LRP1B: variants seen among roughly 807,000 people sequenced by gnomAD.
The protein encoded by LRP1B is low-density lipoprotein receptor-related protein 1B.
LRP1B carries 217 observed loss-of-function variants against 556.6 expected under a neutral mutation model. The ratio of observed to expected loss-of-function variants is 0.39; its 90% confidence interval spans 0.35 to 0.44. The LOEUF is 0.44. LRP1B is among the 20% of genes least tolerant of loss of function. The pLI, the probability that LRP1B is intolerant of heterozygous loss-of-function variation, is 1.00. For missense variants in LRP1B, 5,053 were observed against 5,620.8 expected (o/e 0.90, Z 3.23); for synonymous variants, 2,047 against 1,865.8 (o/e 1.10, Z -2.50).
intron 31 of LRP1B, among the ~76,000 whole-genome samples, chr2:140,832,568 A>C (rs1322845721): frequency 6.6e-6 from 1 of 152,224 alleles, no homozygotes. Flanking sequence ...AGCCATAAAA[A>C]AGAATGAAAT....
rs1020533715 is a variant in LRP1B at position 140,976,875 on chromosome 2, T to A, written c.2887+5285A>T. Among the ~76,000 whole-genome samples, 5 of 152,258 alleles carry A rather than the reference T, an allele frequency of 3.3e-5. No homozygotes were observed. In the East Asian group the frequency reaches 9.7e-4, roughly 29 times the overall value. ...TCCAAAGTTGAAGGCTTCTAATGAATTAGGTACTACCAACTTACATTAAGG... is the reference window on the plus strand; with the variant it reads ...TCCAAAGTTGAAGGCTTCTAATGAAATAGGTACTACCAACTTACATTAAGG... On this transcript the variant is annotated intron_variant, in intron 18 of 90. Transcript: ENST00000389484.
intron 1 of LRP1B, among the ~76,000 whole-genome samples, chr2:141,958,952 T>C (rs1558987058): frequency 6.6e-6 from 1 of 152,020 alleles, no homozygotes; most frequent in Non-Finnish European, 1.5e-5. Flanking sequence ...TCTTATTTCT[T>C]GTGCTTCCAA....
chr2:140,502,526 A>C (rs1689242748), intron 54 of LRP1B, among the ~76,000 whole-genome samples: 1 of 152,026 alleles, frequency 6.6e-6, no homozygotes, highest in Non-Finnish European at 1.5e-5. Flanking sequence ...GAGAAGTGAT[A>C]AACAGACCAA....
At chr2:140,681,586 A>C (rs1372724869) in intron 41 of LRP1B, among the ~76,000 whole-genome samples, 2 of 152,150 alleles carry the variant, frequency 1.3e-5, no homozygotes, top group Non-Finnish European at 2.9e-5. Context: ...TAGATACTAA[A>C]TGAATATTTG....
rs548108979 is a variant in LRP1B, at chr2:141,193,062, C to T, written c.851-4479G>A. On this transcript the variant is annotated intron_variant, in intron 6 of 90. Coordinates refer to ENST00000389484, the MANE Select transcript of LRP1B (RefSeq NM_018557.3). ...AGAATTGGTGAACATAGAACTGAAA[C>T]ATTTTAAAGTCAAAAAATAACAGAT... 7.2e-5 allele frequency among the ~76,000 whole-genome samples: 11 copies of T among 151,926 alleles called. No homozygotes were observed. In the East Asian group the frequency reaches 2.1e-3, roughly 29 times the overall value.
Position 140,550,424 on chromosome 2 carries a change from C to T in LRP1B, c.7195-8453G>A, listed in dbSNP as rs147427866. On this transcript the variant is annotated intron_variant, in intron 43 of 90. Transcript: ENST00000389484. ...CCTGAAAAAAGCAAATATCCCCAAA[C>T]TTCAACCTTTTTAGAGAGGAAAGGA... 5.0e-3 allele frequency among the ~76,000 whole-genome samples: 754 copies of T among 152,224 alleles called. 5 individuals carry two copies. Among genetic ancestry groups the T allele is most frequent in the Non-Finnish European group, 5.8e-3 (397 of 68,008 alleles).
Position 140,855,493 on chromosome 2 carries a change from G to GGAAAA in LRP1B, c.4580-3711_4580-3710insTTTTC, listed in dbSNP as rs570169727. ...GACAGGTAGGTCCCATCTCTACTGG[G>GGAAAA]AAAAAAAAAAAATTTGAATGGCTTC... On this transcript the variant is annotated intron_variant, in intron 27 of 90. Transcript: ENST00000389484. 4.2e-3 allele frequency among the ~76,000 whole-genome samples: 421 copies of GGAAAA among 99,406 alleles called. 27 individuals carry two copies. Among genetic ancestry groups the GGAAAA allele is most frequent in the Middle Eastern group, 7.2e-3 (1 of 138 alleles). 65.2% of individuals were successfully genotyped at this position (99,406 alleles called of 152,430 possible).
chr2:140,360,383 A>T (rs1301912554), intron 72 of LRP1B, among the ~76,000 whole-genome samples: 1 of 151,486 alleles, frequency 6.6e-6, no homozygotes, highest in Non-Finnish European at 1.5e-5. Flanking sequence ...AATGTCTCTT[A>T]ATTTGCTCAA....
chr2:140,701,645 G>C (rs189121577), intron 40 of LRP1B, 76 bp downstream of exon 40: 1 of 1,423,270 alleles, frequency 7.0e-7, no homozygotes, highest in East Asian at 2.3e-5. Flanking sequence ...GAATTTCTAA[G>C]TTTGACAATG....
intron 2 of LRP1B, among the ~76,000 whole-genome samples, chr2:141,671,441 G>T (rs532590441): frequency 6.6e-6 from 1 of 152,236 alleles, no homozygotes; most frequent in Non-Finnish European, 1.5e-5. Flanking sequence ...GTCTGCAGAG[G>T]GTGGGGCCAG....
intron 66 of LRP1B, among the ~76,000 whole-genome samples, chr2:140,399,005 T>A (rs756788856): frequency 1.3e-5 from 2 of 152,156 alleles, no homozygotes; most frequent in Non-Finnish European, 2.9e-5. Context: ...AAGTGCATAA[T>A]AAATTCAGTT....
rs576023128 is a variant in LRP1B at position 141,495,820 on chromosome 2, C to T, written c.206-15287G>A. 1.7e-3 allele frequency among the ~76,000 whole-genome samples: 261 copies of T among 152,114 alleles called. 1 individual carries two copies. The highest frequency in any genetic ancestry group is 3.2e-3 in the Admixed American group (49 of 15,240). On this transcript the variant is annotated intron_variant, in intron 2 of 90. Coordinates refer to ENST00000389484, the MANE Select transcript of LRP1B (RefSeq NM_018557.3). ...TAAATATACACATATATATCTGTCA[C>T]TTCTAGAAAATATACAAATTCTTCT... is the stretch of plus-strand genomic sequence containing the variant.
intron 1 of LRP1B, among the ~76,000 whole-genome samples, chr2:142,059,710 A>G (rs551199266): frequency 6.6e-6 from 1 of 152,168 alleles, no homozygotes; most frequent in Admixed American, 6.6e-5. Context: ...CTCCTTCCAC[A>G]TGACTGCCTT....
chr2:141,961,156 C>T (rs1232846134), intron 1 of LRP1B, among the ~76,000 whole-genome samples: 1 of 151,274 alleles, frequency 6.6e-6, no homozygotes, highest in African/African-American at 2.4e-5. Context: ...GGTAATTTGG[C>T]CAAATTAAAT....
intron 2 of LRP1B, among the ~76,000 whole-genome samples, chr2:141,615,387 G>A (rs564898716): frequency 6.6e-6 from 1 of 152,156 alleles, no homozygotes; most frequent in East Asian, 1.9e-4. Flanking sequence ...AACCACACAA[G>A]GGCAGGAATA....
intron 1 of LRP1B, among the ~76,000 whole-genome samples, chr2:142,104,995 A>G (rs559069051): frequency 2.6e-5 from 4 of 152,290 alleles, no homozygotes; most frequent in African/African-American, 4.8e-5. Flanking sequence ...ACTACCCTCA[A>G]GGAGTTCACA....
At chr2:141,661,697 A>G (rs1368496146) in intron 2 of LRP1B, among the ~76,000 whole-genome samples, 1 of 152,342 alleles carries the variant, frequency 6.6e-6, no homozygotes, top group South Asian at 2.1e-4. Flanking sequence ...GACAGAGCCT[A>G]CAGTTGACTG....
At position 141,585,422 on chromosome 2, in the gene LRP1B, CGTGTGTGTGTGTGTGTGTGTGT is replaced by C. The variant is rs3041302; in HGVS notation, c.206-104911_206-104890del. The stretch of plus-strand genomic sequence containing the variant: ...GTGCTTGTGAGTGTCCTGAAATAAT[CGTGTGTGTGTGTGTGTGTGTGT>C]GTGTGTGTGTGTGTGTGTGTGTGTG... On this transcript the variant is annotated intron_variant, in intron 2 of 90. Coordinates refer to ENST00000389484, the MANE Select transcript of LRP1B (RefSeq NM_018557.3). 1.0e-4 allele frequency among the ~76,000 whole-genome samples: 13 copies of C among 129,262 alleles called. No homozygotes were observed. The South Asian group carries it at 3.1e-3, about 31-fold the overall frequency. The allele number at this position is 129,262 out of a possible 152,430, so 84.8% of individuals were successfully genotyped here.
chr2:141,582,141 TA>T (rs1479147540), intron 2 of LRP1B, among the ~76,000 whole-genome samples: 2 of 152,212 alleles, frequency 1.3e-5, no homozygotes, highest in Non-Finnish European at 2.9e-5. Context: ...GGAGTTGTCA[TA>T]ATAGGTTTTT....
Sources: gnomAD v4.1 joint callset for allele counts (sites outside exome capture counted in the v4.1 genomes callset) on GRCh38, gnomAD v4.1.1 for gene constraint, MANE v1.5 for transcripts, NCBI Gene and HGNC (gene_info 2026-07-23, HGNC 2026-07-21) for gene names.